The following BRSK2 variants were observed in gnomAD, a reference collection of about 807,000 sequenced individuals.
The protein encoded by BRSK2 is serine/threonine-protein kinase BRSK2.
A neutral mutation model predicts 83.3 loss-of-function variants in BRSK2; 19 were observed. That is an observed-to-expected ratio of 0.23 (90% confidence interval 0.16 to 0.33). The LOEUF is 0.33. BRSK2 is among the 10% of genes least tolerant of loss of function. BRSK2 has a pLI of 1.00. For missense variants in BRSK2, 798 were observed against 1,042.3 expected (o/e 0.77, Z 3.23); for synonymous variants, 519 against 435.4 (o/e 1.19, Z -2.39).
intron 1 of BRSK2, among the ~76,000 whole-genome samples, chr11:1,404,980 G>T (rs1846741948): frequency 6.6e-6 from 1 of 152,070 alleles, no homozygotes; most frequent in Non-Finnish European, 1.5e-5. Flanking sequence ...AGGCGGGCGT[G>T]CAGGCCTCTG....
chr11:1,410,758 G>T, intron 1 of BRSK2: 1 of 985,406 alleles, frequency 1.0e-6, no homozygotes, highest in Non-Finnish European at 1.2e-6. Context: ...TCAGGGGCTG[G>T]GGGACACCCC....
chr11:1,446,115 C>G (rs1312835237), intron 12 of BRSK2, among the ~76,000 whole-genome samples: 1 of 129,936 alleles, frequency 7.7e-6, no homozygotes, highest in Non-Finnish European at 1.6e-5. Flanking sequence ...GGGCTGGGAG[C>G]TGAGCTGGGC....
Position 1,438,044 on chromosome 11 carries a change from C to A in BRSK2, c.187-262C>A, listed in dbSNP as rs536043959. Among the ~76,000 whole-genome samples, 18 of 149,322 alleles carry A rather than the reference C, an allele frequency of 1.2e-4. No homozygotes were observed. Among genetic ancestry groups the A allele is most frequent in the African/African-American group, 4.6e-4 (18 of 39,432 alleles). On this transcript the variant is annotated intron_variant, in intron 2 of 19. Transcript: ENST00000528841. This position sits in a 1 kb window ranked among gnomAD's most constrained non-coding sequence, Gnocchi z 6.4. ...GTCCCTGCATCCCCCACAGCTGGCACCAAAGGCCCCTGCGTCCCCCACAGC... is the reference window on the plus strand; with the variant it reads ...GTCCCTGCATCCCCCACAGCTGGCAACAAAGGCCCCTGCGTCCCCCACAGC...
chr11:1,456,299 G>A (rs1189769093), intron 16 of BRSK2, 49 bp from the exon 17 acceptor site: 1 of 1,501,414 alleles, frequency 6.7e-7, no homozygotes, highest in Non-Finnish European at 8.9e-7. Context: ...CAGAGGGCCA[G>A]GGTGGGACCT....
At chr11:1,442,645 G>A in intron 5 of BRSK2, 39 bp downstream of exon 5, 1 of 1,526,014 alleles carries the variant, frequency 6.6e-7, no homozygotes, top group Non-Finnish European at 9.1e-7. Flanking sequence ...CTGGGGGACA[G>A]GCTGGGCTGG....
chr11:1,396,321 T>C (rs1846114916), intron 1 of BRSK2, among the ~76,000 whole-genome samples: 1 of 150,814 alleles, frequency 6.6e-6, no homozygotes, highest in Non-Finnish European at 1.5e-5. Context: ...CCTCGAGGAC[T>C]GCATGGGGCC....
At chr11:1,422,028 G>C (rs1322456063) in intron 1 of BRSK2, among the ~76,000 whole-genome samples, 1 of 152,144 alleles carries the variant, frequency 6.6e-6, no homozygotes, top group Non-Finnish European at 1.5e-5. Flanking sequence ...CTGAGGTTGG[G>C]GTGCCCCACG....
chr11:1,415,336 C>T (rs556173000), intron 1 of BRSK2, among the ~76,000 whole-genome samples: 25 of 152,224 alleles, frequency 1.6e-4, no homozygotes, highest in South Asian at 6.2e-4. Flanking sequence ...CCTCATGATC[C>T]GCCCGTCTGG....
At chr11:1,436,938 CTGCTGGGG>C (rs1850391189) in intron 2 of BRSK2, among the ~76,000 whole-genome samples, 1 of 150,344 alleles carries the variant, frequency 6.7e-6, no homozygotes, top group Admixed American at 6.6e-5. Context: ...CACCCCCCAG[CTGCTGGGG>C]TGTGGAGGAA....
chr11:1,452,583 G>A (rs1845929784), intron 15 of BRSK2, among the ~76,000 whole-genome samples: 1 of 152,188 alleles, frequency 6.6e-6, no homozygotes, highest in South Asian at 2.1e-4. Context: ...CCTCTCAAGG[G>A]TCCGGCACGG....
At chr11:1,449,949 G>A (rs937037400) in intron 13 of BRSK2, 113 bp downstream of exon 13, 27 of 691,480 alleles carry the variant, frequency 3.9e-5, no homozygotes, top group Middle Eastern at 6.7e-4. Flanking sequence ...AGCCCCAGGC[G>A]CCCCCCATGC....
At chr11:1,418,252 T>TTC (rs1351552465) in intron 1 of BRSK2, among the ~76,000 whole-genome samples, 6 of 149,242 alleles carry the variant, frequency 4.0e-5, no homozygotes, top group South Asian at 2.2e-4. Context: ...TGTGTCCTGC[T>TTC]TCTGTGGGCT....
At position 1,460,742 on chromosome 11, in the gene BRSK2, C is replaced by G. The variant is rs781622963; in HGVS notation, c.*19C>G. On this transcript the variant is annotated 3_prime_UTR_variant, in exon 20 of 20. Transcript: ENST00000528841. Reference sequence around the variant, plus strand: ...GCCTTAGACACACTAGCCCCCCCCCCCAGCACAGCACTGACAGCGGCTGCC... The same window carrying G: ...GCCTTAGACACACTAGCCCCCCCCCGCAGCACAGCACTGACAGCGGCTGCC... The G allele has an allele frequency of 3.5e-5, 50 of 1,414,312 alleles. No homozygotes were observed. The highest frequency in any genetic ancestry group is 1.0e-4 in the African/African-American group (7 of 67,108). 87.6% of individuals were successfully genotyped at this position (1,414,312 alleles called of 1,614,324 possible). A position where few individuals can be genotyped will look rare whatever the true frequency, so the allele number is the denominator to read the frequency against.
chr11:1,451,677 G>C (rs563229427), intron 15 of BRSK2, among the ~76,000 whole-genome samples: 8 of 152,212 alleles, frequency 5.3e-5, no homozygotes, highest in African/African-American at 1.7e-4. Context: ...GGCTGGAGGC[G>C]AGCAGGGGGT....
intron 1 of BRSK2, among the ~76,000 whole-genome samples, chr11:1,418,600 C>G (rs1848346596): frequency 6.6e-6 from 1 of 151,952 alleles, no homozygotes; most frequent in African/African-American, 2.4e-5. Flanking sequence ...TTGGCTGTTT[C>G]TTCTCTTGAG....
intron 8 of BRSK2, among the ~76,000 whole-genome samples, chr11:1,444,507 C>T (rs564932989): frequency 3.3e-5 from 5 of 152,238 alleles, no homozygotes; most frequent in African/African-American, 1.2e-4. Flanking sequence ...CCCTGCCCCG[C>T]CGCACAGGTG....
At position 1,454,662 on chromosome 11, in the gene BRSK2, C is replaced by A. The variant is rs1238730864; in HGVS notation, c.1668+54C>A. 2 of 1,601,012 alleles carry A rather than the reference C, an allele frequency of 1.2e-6. No individual in the cohort carries two copies. The highest frequency in any genetic ancestry group is 8.5e-7 in the Non-Finnish European group (1 of 1,174,174). ...GGCAGCCCTCCCAACCCCACACGGCCCAGCCCCGAGAATCCAGCCTCCTCA... is the reference window on the plus strand; with the variant it reads ...GGCAGCCCTCCCAACCCCACACGGCACAGCCCCGAGAATCCAGCCTCCTCA... On this transcript the variant is annotated intron_variant, in intron 16 of 19. Transcript: ENST00000528841. This position sits in a 1 kb window ranked among gnomAD's most constrained non-coding sequence, Gnocchi z 5.2.
At chr11:1,440,131 C>T (rs185253232) in intron 3 of BRSK2, among the ~76,000 whole-genome samples, 37 of 152,300 alleles carry the variant, frequency 2.4e-4, no homozygotes, top group African/African-American at 8.2e-4. Context: ...CTGGGTGGAG[C>T]GGCCCCCAAG....
intron 1 of BRSK2, among the ~76,000 whole-genome samples, chr11:1,425,186 G>C (rs1365282306): frequency 6.6e-6 from 1 of 152,180 alleles, no homozygotes. Flanking sequence ...TCAGCTCCCC[G>C]GGTCATCAGT....
Sources: gnomAD v4.1 joint callset for allele counts (sites outside exome capture counted in the v4.1 genomes callset) on GRCh38, gnomAD v4.1.1 for gene constraint, Gnocchi (gnomAD v3.1) non-coding constraint, MANE v1.5 for transcripts, NCBI Gene and HGNC (gene_info 2026-07-23, HGNC 2026-07-21) for gene names.